TLL1: variants seen among roughly 807,000 people sequenced by gnomAD.
TLL1 encodes tolloid like 1.
In TLL1, 49 loss-of-function variants were observed where a neutral mutation model predicts 128.2. That is an observed-to-expected ratio of 0.38 (90% CI 0.30 to 0.48). The LOEUF is 0.48. Ranked by LOEUF, TLL1 falls within the 20% of genes least tolerant of loss-of-function variation. TLL1 has a pLI of 0.96. For missense variants in TLL1, 1,123 were observed against 1,242.0 expected (o/e 0.90, Z 1.44); for synonymous variants, 454 against 418.8 (o/e 1.08, Z -1.03).
intron 1 of TLL1, among the ~76,000 whole-genome samples, chr4:165,952,619 A>G (rs1734578961): frequency 6.6e-6 from 1 of 152,142 alleles, no homozygotes; most frequent in Non-Finnish European, 1.5e-5. Flanking sequence ...AAATAAAGAC[A>G]TGAAGTTATA....
chr4:165,959,430 C>G (rs1734984713), intron 1 of TLL1, among the ~76,000 whole-genome samples: 2 of 152,084 alleles, frequency 1.3e-5, no homozygotes, highest in Non-Finnish European at 2.9e-5. Context: ...TCCTTCATGT[C>G]CTTTGTAAGT....
intron 1 of TLL1, among the ~76,000 whole-genome samples, chr4:165,943,443 AT>A (rs1259126140): frequency 3.9e-5 from 6 of 151,926 alleles, no homozygotes; most frequent in African/African-American, 1.4e-4. Flanking sequence ...AATATTTTAT[AT>A]TTTTTATTTC....
intron 1 of TLL1, among the ~76,000 whole-genome samples, chr4:165,896,987 CT>C (rs772871621): frequency 6.6e-6 from 1 of 152,122 alleles, no homozygotes; most frequent in Non-Finnish European, 1.5e-5. Context: ...TGATTTGCAT[CT>C]CTCTAATGAC....
chr4:165,876,577 G>A (rs899046021), intron 1 of TLL1, among the ~76,000 whole-genome samples: 10 of 152,162 alleles, frequency 6.6e-5, no homozygotes, highest in Non-Finnish European at 1.0e-4. Flanking sequence ...TCATGGCTTC[G>A]TGGTTTTAAA....
At chr4:165,882,785 G>A (rs1471964114) in intron 1 of TLL1, among the ~76,000 whole-genome samples, 1 of 151,832 alleles carries the variant, frequency 6.6e-6, no homozygotes, top group Non-Finnish European at 1.5e-5. Context: ...CGCCCGGCTA[G>A]TTTTATATTT....
At position 166,103,044 on chromosome 4, in the gene TLL1, T is replaced by G. The variant is rs1742360370; in HGVS notation, c.*2168T>G. 6.6e-6 allele frequency: 1 copy of G among 151,926 alleles called. No individual in the cohort carries two copies. The highest frequency in any genetic ancestry group is 2.4e-5 in the African/African-American group (1 of 41,432). 9.4% of individuals were successfully genotyped at this position (151,926 alleles called of 1,614,324 possible). ...AAATTCCATGCTACACTTTGAGGAC[T>G]GTCATCATGTTCTCGTTTTGTAGTT... is the stretch of plus-strand genomic sequence containing the variant. On this transcript the variant is annotated 3_prime_UTR_variant, in exon 21 of 21. Coordinates refer to ENST00000061240, the MANE Select transcript of TLL1 (RefSeq NM_012464.5).
chr4:166,058,484 A>C (rs2111115464), intron 14 of TLL1, among the ~76,000 whole-genome samples: 1 of 152,192 alleles, frequency 6.6e-6, no homozygotes, highest in East Asian at 1.9e-4. Flanking sequence ...GGTTATCTGC[A>C]TTTCGTCTTT....
chr4:165,982,095 T>C (rs1429366253), intron 1 of TLL1, among the ~76,000 whole-genome samples: 3 of 152,020 alleles, frequency 2.0e-5, no homozygotes, highest in Admixed American at 2.0e-4. Context: ...AATAATGTGA[T>C]TGATAGACAA....
intron 1 of TLL1, among the ~76,000 whole-genome samples, chr4:165,948,525 A>T (rs1016940330): frequency 6.6e-6 from 1 of 152,096 alleles, no homozygotes; most frequent in Non-Finnish European, 1.5e-5. Context: ...AGGCTGAGAA[A>T]CCCAAGGTTG....
intron 1 of TLL1, among the ~76,000 whole-genome samples, chr4:165,976,532 T>G (rs962359611): frequency 6.6e-6 from 1 of 152,190 alleles, no homozygotes; most frequent in Non-Finnish European, 1.5e-5. Flanking sequence ...CATTGGGTTT[T>G]TCTTGTAGCT....
chr4:165,945,326 G>A (rs1734197123), intron 1 of TLL1, among the ~76,000 whole-genome samples: 1 of 152,012 alleles, frequency 6.6e-6, no homozygotes, highest in South Asian at 2.1e-4. Context: ...TGAATGATTA[G>A]CAGATAATGG....
chr4:165,974,131 A>ATATT (rs1735759298), intron 1 of TLL1, among the ~76,000 whole-genome samples: 1 of 53,880 alleles, frequency 1.9e-5, no homozygotes, highest in Non-Finnish European at 3.8e-5. Context: ...CCTGGACCTC[A>ATATT]TCTTTTTTTT....
At chr4:165,898,798 G>T (rs983272363) in intron 1 of TLL1, among the ~76,000 whole-genome samples, 1 of 152,178 alleles carries the variant, frequency 6.6e-6, no homozygotes. Context: ...GTTTCAGAAG[G>T]AATGGTACCA....
intron 1 of TLL1, among the ~76,000 whole-genome samples, chr4:165,961,017 ATGAAG>A (rs1042431454): frequency 1.3e-5 from 2 of 152,156 alleles, no homozygotes; most frequent in Non-Finnish European, 2.9e-5. Context: ...TAAGTAGGAA[ATGAAG>A]TGAAGTTATG....
At chr4:166,033,592 T>G (rs112042512) in intron 9 of TLL1, among the ~76,000 whole-genome samples, 1 of 152,228 alleles carries the variant, frequency 6.6e-6, no homozygotes, top group Non-Finnish European at 1.5e-5. Context: ...ATGTACTTAA[T>G]GCACAGAACT....
chr4:166,017,270 C>A (rs1245484749), intron 8 of TLL1, among the ~76,000 whole-genome samples: 1 of 152,140 alleles, frequency 6.6e-6, no homozygotes, highest in African/African-American at 2.4e-5. Context: ...AACATGATTT[C>A]ATTCCTTTTA....
intron 6 of TLL1, among the ~76,000 whole-genome samples, chr4:166,004,899 A>C (rs1737342452): frequency 2.0e-5 from 3 of 151,982 alleles, no homozygotes; most frequent in Admixed American, 6.6e-5. Context: ...TAAAATAAAG[A>C]GAACTCATTT....
At chr4:166,013,219 T>C (rs1227645152) in intron 7 of TLL1, among the ~76,000 whole-genome samples, 1 of 151,882 alleles carries the variant, frequency 6.6e-6, no homozygotes, top group African/African-American at 2.4e-5. Context: ...AATATCCATC[T>C]TCTCACCTTT....
At chr4:166,097,584 A>C (rs1742082153) in intron 19 of TLL1, among the ~76,000 whole-genome samples, 2 of 152,150 alleles carry the variant, frequency 1.3e-5, no homozygotes, top group Non-Finnish European at 2.9e-5. Context: ...GCTTGGGCAC[A>C]CATGAATTCA....
Sources: gnomAD v4.1 joint callset for allele counts (sites outside exome capture counted in the v4.1 genomes callset) on GRCh38, gnomAD v4.1.1 for gene constraint, MANE v1.5 for transcripts, NCBI Gene and HGNC (gene_info 2026-07-23, HGNC 2026-07-21) for gene names.